Variants in PPP3CA observed in about 807,000 individuals in gnomAD.
The protein encoded by PPP3CA is protein phosphatase 3 catalytic subunit alpha, also known as CAM-PRP catalytic subunit.
PPP3CA carries 14 observed loss-of-function variants against 66.5 expected under a neutral mutation model. That is an observed-to-expected ratio of 0.21 (90% CI 0.14 to 0.33). The LOEUF (loss-of-function observed/expected upper bound fraction) is 0.33. PPP3CA is among the 10% of genes least tolerant of loss of function. The probability of loss-of-function intolerance (pLI) is 1.00; values close to 1 mark genes in which losing one functional copy is unlikely to be tolerated. For synonymous variants in PPP3CA, 232 were observed against 226.2 expected (o/e 1.03, Z -0.23); for missense variants, 317 against 639.5 (o/e 0.50, Z 5.44).
intron 6 of PPP3CA, 90 bp downstream of exon 6, chr4:101,093,686 C>T (rs1730061461): frequency 7.9e-7 from 1 of 1,269,636 alleles, no homozygotes; most frequent in Non-Finnish European, 1.0e-6. Context: ...AGAAGTAATA[C>T]AAACATTATA....
rs540538694 is a variant in PPP3CA at position 101,169,844 on chromosome 4, C to T, written c.259+26072G>A. Among the ~76,000 whole-genome samples, 3 of 152,048 alleles carry T rather than the reference C, an allele frequency of 2.0e-5. No individual in the cohort carries two copies. In the South Asian group the frequency reaches 6.2e-4, roughly 32 times the overall value. ...ACTCAGAAATAATTTACAAACCATG[C>T]TTTTAAGACATGTTGGTGATTTTTA... On this transcript the variant is annotated intron_variant, in intron 2 of 13. Transcript: ENST00000394854.
intron 1 of PPP3CA, among the ~76,000 whole-genome samples, chr4:101,318,028 C>T (rs1728932901): frequency 6.6e-6 from 1 of 152,154 alleles, no homozygotes; most frequent in South Asian, 2.1e-4. Context: ...TATTATTTCT[C>T]ACTTCTCTTA....
intron 2 of PPP3CA, among the ~76,000 whole-genome samples, chr4:101,157,134 G>A (rs1170490809): frequency 6.6e-6 from 1 of 152,192 alleles, no homozygotes; most frequent in Non-Finnish European, 1.5e-5. Flanking sequence ...CTGCTTCTCA[G>A]GGAAGTATGG....
At chr4:101,073,383 T>A (rs1005249713) in intron 8 of PPP3CA, among the ~76,000 whole-genome samples, 1 of 151,890 alleles carries the variant, frequency 6.6e-6, no homozygotes, top group Non-Finnish European at 1.5e-5. Flanking sequence ...TTCAAGCGAT[T>A]CTTCCTCCTC....
intron 1 of PPP3CA, among the ~76,000 whole-genome samples, chr4:101,220,700 T>G (rs772146064): frequency 4.8e-5 from 7 of 144,658 alleles, no homozygotes; most frequent in Non-Finnish European, 8.9e-5. Context: ...CTGAGGACAG[T>G]GTCTGTTATC....
chr4:101,056,931 T>C lies in PPP3CA; in HGVS notation c.1156+4156A>G, dbSNP rs539416103. On this transcript the variant is annotated intron_variant, in intron 10 of 13. Coordinates refer to ENST00000394854, the MANE Select transcript of PPP3CA (RefSeq NM_000944.5). The stretch of plus-strand genomic sequence containing the variant: ...GATTTCTGAGAAGCTTTACAAATTA[T>C]TCTTTGAGCATCTTTAAGCACCCTA... Among the ~76,000 whole-genome samples, 5 of 152,270 alleles carry C rather than the reference T, an allele frequency of 3.3e-5. No homozygotes were observed. The East Asian group carries it at 9.6e-4, about 29-fold the overall frequency.
chr4:101,202,543 A>C (rs1284745183), intron 1 of PPP3CA, among the ~76,000 whole-genome samples: 1 of 152,210 alleles, frequency 6.6e-6, no homozygotes, highest in Admixed American at 6.5e-5. Context: ...TCTGGGAGAG[A>C]GAGCTAAAAA....
chr4:101,263,222 T>C (rs1727061171), intron 1 of PPP3CA, among the ~76,000 whole-genome samples: 1 of 152,208 alleles, frequency 6.6e-6, no homozygotes, highest in Middle Eastern at 3.2e-3. Context: ...TCATCTTTGC[T>C]CCGCCTCAGA....
chr4:101,041,394 T>C (rs1327830439), intron 10 of PPP3CA, among the ~76,000 whole-genome samples: 6 of 151,798 alleles, frequency 4.0e-5, no homozygotes, highest in East Asian at 1.9e-4. Context: ...CGAGGTACAT[T>C]GGAAGAAGTA....
chr4:101,062,955 A>G (rs1395514035), intron 9 of PPP3CA, among the ~76,000 whole-genome samples: 1 of 151,960 alleles, frequency 6.6e-6, no homozygotes, highest in Non-Finnish European at 1.5e-5. Context: ...CTGTATTTCC[A>G]TTATTTTTTA....
intron 1 of PPP3CA, among the ~76,000 whole-genome samples, chr4:101,218,346 A>G (rs563581377): frequency 1.3e-5 from 2 of 152,206 alleles, no homozygotes; most frequent in South Asian, 4.1e-4. Flanking sequence ...ACTATCAAAT[A>G]CTATTCAGCT....
intron 1 of PPP3CA, among the ~76,000 whole-genome samples, chr4:101,328,836 T>C (rs2110330469): frequency 6.6e-6 from 1 of 152,264 alleles, no homozygotes; most frequent in Admixed American, 6.5e-5. Flanking sequence ...AAGCACCTCA[T>C]GTCACACCGA....
At chr4:101,072,959 T>C (rs1017309374) in intron 8 of PPP3CA, among the ~76,000 whole-genome samples, 3 of 149,098 alleles carry the variant, frequency 2.0e-5, no homozygotes, top group African/African-American at 7.4e-5. Flanking sequence ...AAAAATTATA[T>C]ATATATATAA....
At chr4:101,066,769 C>CG (rs1165674109) in intron 8 of PPP3CA, among the ~76,000 whole-genome samples, 4 of 152,086 alleles carry the variant, frequency 2.6e-5, no homozygotes, top group African/African-American at 7.2e-5. Flanking sequence ...CCACATCCTC[C>CG]GCCCCTGCCA....
At chr4:101,165,028 T>C (rs1237689042) in intron 2 of PPP3CA, among the ~76,000 whole-genome samples, 1 of 152,106 alleles carries the variant, frequency 6.6e-6, no homozygotes, top group Non-Finnish European at 1.5e-5. Context: ...ATGATTTTGT[T>C]CAGTAGTCTA....
chr4:101,271,996 A>G (rs1727350320), intron 1 of PPP3CA, among the ~76,000 whole-genome samples: 1 of 152,196 alleles, frequency 6.6e-6, no homozygotes, highest in Non-Finnish European at 1.5e-5. Context: ...ATAATGATTA[A>G]TTCACTTAAT....
At chr4:101,118,996 A>G (rs1328752949) in intron 2 of PPP3CA, among the ~76,000 whole-genome samples, 1 of 149,360 alleles carries the variant, frequency 6.7e-6, no homozygotes, top group African/African-American at 2.5e-5. Context: ...TGAAGCAAGC[A>G]ATGTAAGGAA....
rs1042861692 is a variant in PPP3CA, at chr4:101,150,981, C to A, written c.260-41903G>T. Among the ~76,000 whole-genome samples, 5 of 152,106 alleles carry A rather than the reference C, an allele frequency of 3.3e-5. No individual in the cohort carries two copies. In the South Asian group the frequency reaches 1.0e-3, roughly 32 times the overall value. ...TAAATTACATGTAATCCACAAAGGT[C>A]TATTGAAAAGAAAAAGGTATAATCA... On this transcript the variant is annotated intron_variant, in intron 2 of 13. Coordinates refer to ENST00000394854, the MANE Select transcript of PPP3CA (RefSeq NM_000944.5).
chr4:101,291,643 C>T (rs1209237782), intron 1 of PPP3CA, among the ~76,000 whole-genome samples: 5 of 152,220 alleles, frequency 3.3e-5, no homozygotes, highest in Non-Finnish European at 5.9e-5. Context: ...CATCCTTGTT[C>T]TCCAGGACAT....
Sources: allele counts gnomAD v4.1 joint callset (sites outside exome capture counted in the v4.1 genomes callset), GRCh38; gene constraint gnomAD v4.1.1; transcripts MANE v1.5; gene names NCBI Gene and HGNC (gene_info 2026-07-23, HGNC 2026-07-21).